EZR: variants seen among roughly 807,000 people sequenced by gnomAD.
EZR encodes the protein ezrin, also known as cytovillin 2.
EZR carries 40 observed loss-of-function variants against 74.8 expected under a neutral mutation model. That is an observed-to-expected ratio of 0.53 (90% CI 0.42 to 0.70). The LOEUF is 0.70. Ranked by LOEUF, EZR falls within the 30% of genes least tolerant of loss-of-function variation. The pLI, the probability that EZR is intolerant of heterozygous loss-of-function variation, is 0.00. For missense variants in EZR, 678 were observed against 755.8 expected (o/e 0.90, Z 1.21); for synonymous variants, 341 against 283.3 (o/e 1.20, Z -2.05).
chr6:158,769,013 G>A (rs1207688889), intron 12 of EZR, among the ~76,000 whole-genome samples: 1 of 152,222 alleles, frequency 6.6e-6, no homozygotes, highest in East Asian at 1.9e-4. Flanking sequence ...ACCGGGGGCT[G>A]TCAGATCAGC....
chr6:158,775,090 A>C (rs1047508433), intron 8 of EZR, among the ~76,000 whole-genome samples: 3 of 134,644 alleles, frequency 2.2e-5, no homozygotes. Context: ...GCTTGAGTGC[A>C]GTGGCGATCT....
chr6:158,787,895 C>A (rs1299629971), intron 3 of EZR, among the ~76,000 whole-genome samples: 4 of 152,216 alleles, frequency 2.6e-5, no homozygotes, highest in African/African-American at 9.7e-5. Flanking sequence ...ATTTTCAAGC[C>A]TCTGTTGTGC....
intron 10 of EZR, among the ~76,000 whole-genome samples, chr6:158,770,473 G>A (rs2128565662): frequency 6.6e-6 from 1 of 152,170 alleles, no homozygotes; most frequent in Non-Finnish European, 1.5e-5. Flanking sequence ...GCAAATCACT[G>A]TACCGCACCA....
Position 158,766,676 on chromosome 6 carries a change from AG to A in EZR, c.*237del. On this transcript the variant is annotated 3_prime_UTR_variant, in exon 14 of 14. Coordinates refer to ENST00000367075, the MANE Select transcript of EZR (RefSeq NM_001111077.2). ...ATCAGTCCTGCTCCCAGCACAACACAGGAGGTGATTCGAGAATAATCGCGAG... is the reference window on the plus strand; with the variant it reads ...ATCAGTCCTGCTCCCAGCACAACACAGAGGTGATTCGAGAATAATCGCGAG... 1 of 562,432 alleles carries A rather than the reference AG, an allele frequency of 1.8e-6. No individual in the cohort carries two copies. Among genetic ancestry groups the A allele is most frequent in the Non-Finnish European group, 3.2e-6 (1 of 314,764 alleles). 34.8% of individuals were successfully genotyped at this position (562,432 alleles called of 1,614,324 possible). A position where few individuals can be genotyped will look rare whatever the true frequency, so the allele number is the denominator to read the frequency against.
In EZR at chr6:158,766,782, G is replaced by A; in HGVS notation, c.*132C>T. The A allele has an allele frequency of 1.1e-6, 1 of 940,014 alleles. No individual in the cohort carries two copies. Among genetic ancestry groups the A allele is most frequent in the Non-Finnish European group, 1.6e-6 (1 of 617,174 alleles). 58.2% of individuals were successfully genotyped at this position (940,014 alleles called of 1,614,324 possible). A position where few individuals can be genotyped will look rare whatever the true frequency, so the allele number is the denominator to read the frequency against. On this transcript the variant is annotated 3_prime_UTR_variant, in exon 14 of 14. Transcript: ENST00000367075. The stretch of plus-strand genomic sequence containing the variant: ...CTGGTTCCCAGCCCAGAATGTTTCT[G>A]TTGGGTAACTGCTTTCTAAAGGAAC...
chr6:158,780,470 G>A (rs989278126), intron 7 of EZR, among the ~76,000 whole-genome samples: 1 of 152,180 alleles, frequency 6.6e-6, no homozygotes, highest in African/African-American at 2.4e-5. Context: ...ACAGTGGAGT[G>A]CATACGGAAA....
chr6:158,814,919 GTT>G (rs969629703), intron 2 of EZR, among the ~76,000 whole-genome samples: 10 of 152,184 alleles, frequency 6.6e-5, no homozygotes, highest in African/African-American at 2.4e-4. Flanking sequence ...CAGTTATACT[GTT>G]TTATGAATAA....
chr6:158,813,327 T>C (rs941535031), intron 2 of EZR, among the ~76,000 whole-genome samples: 1 of 152,186 alleles, frequency 6.6e-6, no homozygotes, highest in Non-Finnish European at 1.5e-5. Context: ...TGTACCCCTC[T>C]TCAGGCATAC....
chr6:158,783,449 ATTTGCCAT>A, intron 7 of EZR, 63 bp downstream of exon 7: 1 of 1,498,042 alleles, frequency 6.7e-7, no homozygotes, highest in Non-Finnish European at 9.1e-7. Context: ...TAACCCACAA[ATTTGCCAT>A]TTTGCCATTG....
In EZR at chr6:158,804,762, TC is replaced by T. The variant is rs759308312; in HGVS notation, c.12+13319del. Among the ~76,000 whole-genome samples, 37 of 89,192 alleles carry T rather than the reference TC, an allele frequency of 4.1e-4. 1 individual carries two copies. Among genetic ancestry groups the T allele is most frequent in the Middle Eastern group, 4.5e-3 (1 of 224 alleles). 58.5% of individuals were successfully genotyped at this position (89,192 alleles called of 152,430 possible). On this transcript the variant is annotated intron_variant, in intron 2 of 13. Transcript: ENST00000367075. ...GTGAAGAGTTTTTCCTTTCTTTTTT[TC>T]TTATTTTTTTTTATTATACTTTAAG...
chr6:158,772,680 G>A (rs1306008890), intron 8 of EZR, among the ~76,000 whole-genome samples: 2 of 152,152 alleles, frequency 1.3e-5, no homozygotes, highest in East Asian at 1.9e-4. Context: ...AGAAGAATAT[G>A]GTTTAGAAAC....
chr6:158,773,603 G>T (rs1791184341), intron 8 of EZR, among the ~76,000 whole-genome samples: 2 of 152,156 alleles, frequency 1.3e-5, no homozygotes, highest in South Asian at 4.1e-4. Context: ...AAGGAGAGAA[G>T]GTAAAAGAGC....
At chr6:158,792,770 G>A (rs3123120) in intron 2 of EZR, among the ~76,000 whole-genome samples, 62 of 150,386 alleles carry the variant, frequency 4.1e-4, no homozygotes, top group Non-Finnish European at 7.5e-4. Flanking sequence ...AGCCAAGATC[G>A]GGCCACTGCA....
rs1236711363 is a variant in EZR, at chr6:158,806,808, G to A, written c.12+11274C>T. Among the ~76,000 whole-genome samples, 6 of 152,190 alleles carry A rather than the reference G, an allele frequency of 3.9e-5. No individual in the cohort carries two copies. In the East Asian group the frequency reaches 1.2e-3, roughly 29 times the overall value. On this transcript the variant is annotated intron_variant, in intron 2 of 13. Coordinates refer to ENST00000367075, the MANE Select transcript of EZR (RefSeq NM_001111077.2). ...ATTATCTGTCTAAATCCATTTAAGA[G>A]TCTCACCCAAACAGCAATGGATTAT... is the stretch of plus-strand genomic sequence containing the variant.
At chr6:158,775,976 C>T (rs1015369446) in intron 8 of EZR, among the ~76,000 whole-genome samples, 1 of 152,144 alleles carries the variant, frequency 6.6e-6, no homozygotes, top group Non-Finnish European at 1.5e-5. Flanking sequence ...ACCTTGGGCA[C>T]CAGCAATGCT....
intron 2 of EZR, among the ~76,000 whole-genome samples, chr6:158,812,218 AACAGC>A (rs1286215674): frequency 2.0e-5 from 3 of 152,280 alleles, no homozygotes; most frequent in Non-Finnish European, 4.4e-5. Context: ...AAATACCAAT[AACAGC>A]ACTCCTGGCA....
chr6:158,815,432 A>G (rs1777533679), intron 2 of EZR, among the ~76,000 whole-genome samples: 3 of 152,220 alleles, frequency 2.0e-5, no homozygotes, highest in African/African-American at 7.2e-5. Context: ...GAAATTTCCC[A>G]TGGCAGACAG....
chr6:158,793,128 C>T (rs1791786928), intron 2 of EZR, among the ~76,000 whole-genome samples: 1 of 150,246 alleles, frequency 6.7e-6, no homozygotes, highest in South Asian at 2.1e-4. Flanking sequence ...TGAGACCAGC[C>T]TGGGCAACAA....
In EZR at chr6:158,766,446, A is replaced by G. The variant is rs1427600440; in HGVS notation, c.*468T>C. 6.5e-6 allele frequency: 1 copy of G among 154,396 alleles called. No individual in the cohort carries two copies. The highest frequency in any genetic ancestry group is 1.4e-5 in the Non-Finnish European group (1 of 69,416). 9.6% of individuals were successfully genotyped at this position (154,396 alleles called of 1,614,324 possible). ...GTGCTTCAGACTCAATTTCCAAAAT[A>G]ATTTTCACCCCTCTAAGCATGTAAA... On this transcript the variant is annotated 3_prime_UTR_variant, in exon 14 of 14. Transcript: ENST00000367075.
Sources: allele counts gnomAD v4.1 joint callset (sites outside exome capture counted in the v4.1 genomes callset), GRCh38; gene constraint gnomAD v4.1.1; transcripts MANE v1.5; gene names NCBI Gene and HGNC (gene_info 2026-07-23, HGNC 2026-07-21).